Variants in ACYP2 observed in about 807,000 individuals in gnomAD.
The protein encoded by ACYP2 is acylphosphatase-2.
Under a neutral mutation model 11.2 loss-of-function variants are expected in ACYP2, and 12 were observed. The ratio of observed to expected loss-of-function variants is 1.08; its 90% CI spans 0.69 to 1.74. ACYP2 has a LOEUF of 1.74. Among genes scored for constraint, ACYP2 ranks in the 40% most tolerant of loss-of-function variants. ACYP2 has a pLI of 0.00. For synonymous variants in ACYP2, 43 were observed against 32.2 expected (o/e 1.33, Z -1.13); for missense variants, 134 against 101.9 (o/e 1.31, Z -1.35).
chr2:53,989,299 T>C (rs1448594230), intron 2 of ACYP2, among the ~76,000 whole-genome samples: 2 of 149,444 alleles, frequency 1.3e-5, no homozygotes, highest in Non-Finnish European at 1.5e-5. Flanking sequence ...TTTTTTTTTT[T>C]TCACAGACAA....
intron 2 of ACYP2, among the ~76,000 whole-genome samples, chr2:54,017,279 T>G (rs1464800486): frequency 6.8e-6 from 1 of 147,038 alleles, no homozygotes; most frequent in East Asian, 1.9e-4. Flanking sequence ...TTTCTTTTTT[T>G]TTTTTTTTTG....
intron 6 of ACYP2, among the ~76,000 whole-genome samples, chr2:54,156,713 T>C (rs939835788): frequency 4.6e-5 from 7 of 152,238 alleles, no homozygotes; most frequent in Admixed American, 2.0e-4. Context: ...TCATCCAGGC[T>C]GTAGTGCAGG....
At chr2:54,178,369 C>T (rs1014643178) in intron 6 of ACYP2, among the ~76,000 whole-genome samples, 1 of 151,920 alleles carries the variant, frequency 6.6e-6, no homozygotes, top group Non-Finnish European at 1.5e-5. Context: ...TCCAGTAGTG[C>T]TAAGAGATTT....
At chr2:54,097,357 T>C (rs1678647136) in intron 4 of ACYP2, among the ~76,000 whole-genome samples, 1 of 152,234 alleles carries the variant, frequency 6.6e-6, no homozygotes, top group South Asian at 2.1e-4. Flanking sequence ...TTCCCTAAAG[T>C]GTCTACACAG....
At chr2:54,066,872 A>G (rs1457068752) in intron 4 of ACYP2, among the ~76,000 whole-genome samples, 2 of 152,212 alleles carry the variant, frequency 1.3e-5, no homozygotes, top group Non-Finnish European at 2.9e-5. Flanking sequence ...TAGGATGAGA[A>G]AAAGGATCAG....
chr2:54,103,286 T>C (rs1678997865), intron 4 of ACYP2, among the ~76,000 whole-genome samples: 2 of 152,234 alleles, frequency 1.3e-5, no homozygotes, highest in African/African-American at 2.4e-5. Flanking sequence ...CACATCATTG[T>C]TTTATTTCAC....
At chr2:54,018,770 C>A (rs1239697448) in intron 2 of ACYP2, among the ~76,000 whole-genome samples, 1 of 152,092 alleles carries the variant, frequency 6.6e-6, no homozygotes, top group Non-Finnish European at 1.5e-5. Flanking sequence ...CTTTTTTAGA[C>A]AGAGTCTTAC....
At chr2:54,026,586 A>G (rs898389996) in intron 2 of ACYP2, among the ~76,000 whole-genome samples, 1 of 152,222 alleles carries the variant, frequency 6.6e-6, no homozygotes, top group Non-Finnish European at 1.5e-5. Flanking sequence ...ATAAGTCATT[A>G]TATGAAAAAG....
At chr2:54,065,581 T>A (rs1035465403) in intron 4 of ACYP2, 20 of 398,364 alleles carry the variant, frequency 5.0e-5, no homozygotes, top group African/African-American at 3.9e-4. Flanking sequence ...TCTGCAGTGC[T>A]TGATTCAACA....
intron 6 of ACYP2, among the ~76,000 whole-genome samples, chr2:54,252,103 A>G (rs1379970063): frequency 6.6e-6 from 1 of 152,220 alleles, no homozygotes; most frequent in Non-Finnish European, 1.5e-5. Context: ...AGTAAGCACT[A>G]TTCTGACTTC....
At chr2:54,254,885 C>A in intron 6 of ACYP2, 1 of 1,580,926 alleles carries the variant, frequency 6.3e-7, no homozygotes, top group Non-Finnish European at 8.6e-7. Context: ...TGGTGGCAGG[C>A]AACCTTCTGC....
intron 6 of ACYP2, among the ~76,000 whole-genome samples, chr2:54,270,426 T>C (rs1558658540): frequency 6.6e-6 from 1 of 152,186 alleles, no homozygotes. Flanking sequence ...TTGTGTTTTT[T>C]AGCCAGTTAT....
Position 54,154,870 on chromosome 2 carries a change from GA to G in ACYP2, c.404+16124del, listed in dbSNP as rs1461333761. 3.1e-4 allele frequency among the ~76,000 whole-genome samples: 47 copies of G among 152,292 alleles called. 1 individual carries two copies. The highest frequency in any genetic ancestry group is 1.0e-3 in the African/African-American group (43 of 41,566). On this transcript the variant is annotated intron_variant, in intron 6 of 6. Transcript: ENST00000607452. ...TTGATATTAGTTTAAATGTTTGGCAGAATTCATCAGTAACACTTCCAGTCTT... is the reference window on the plus strand; with the variant it reads ...TTGATATTAGTTTAAATGTTTGGCAGATTCATCAGTAACACTTCCAGTCTT...
At chr2:54,018,829 C>T (rs997255944) in intron 2 of ACYP2, among the ~76,000 whole-genome samples, 2 of 152,040 alleles carry the variant, frequency 1.3e-5, no homozygotes, top group African/African-American at 4.8e-5. Context: ...CTCACTACAA[C>T]GTCCGCCTCC....
chr2:54,273,750 C>T (rs1045345152), intron 6 of ACYP2, among the ~76,000 whole-genome samples: 5 of 152,138 alleles, frequency 3.3e-5, no homozygotes, highest in African/African-American at 4.8e-5. Context: ...AGGCATGAGC[C>T]CTCGCACCTG....
At position 54,271,004 on chromosome 2, in the gene ACYP2, G is replaced by T. The variant is rs538391077; in HGVS notation, c.405-33684G>T. On this transcript the variant is annotated intron_variant, in intron 6 of 6. Transcript: ENST00000607452. Reference sequence around the variant, plus strand: ...TATCATTTTCTTTATAAATGTCATGGTTTGAAACCACGTTTGCAGAGATGA... The same window carrying T: ...TATCATTTTCTTTATAAATGTCATGTTTTGAAACCACGTTTGCAGAGATGA... Among the ~76,000 whole-genome samples, 43 of 152,100 alleles carry T rather than the reference G, an allele frequency of 2.8e-4. 1 individual carries two copies. The highest frequency in any genetic ancestry group is 5.6e-4 in the Non-Finnish European group (38 of 68,032).
intron 6 of ACYP2, among the ~76,000 whole-genome samples, chr2:54,275,449 TA>T (rs1356043777): frequency 6.6e-6 from 1 of 152,242 alleles, no homozygotes; most frequent in Admixed American, 6.5e-5. Context: ...CAACAGTCTT[TA>T]ATTTTGAAAG....
chr2:53,975,329 A>T (rs1671417918), intron 2 of ACYP2: 1 of 398,572 alleles, frequency 2.5e-6, no homozygotes, highest in South Asian at 1.3e-4. Context: ...AGCAAGCAAA[A>T]TAAGGTCTCT....
chr2:54,224,354 A>G (rs898022302), intron 6 of ACYP2, among the ~76,000 whole-genome samples: 2 of 152,196 alleles, frequency 1.3e-5, no homozygotes, highest in African/African-American at 4.8e-5. Flanking sequence ...TAGAGCTATG[A>G]AACAGTTTTC....
Sources: allele counts gnomAD v4.1 joint callset (sites outside exome capture counted in the v4.1 genomes callset), GRCh38; gene constraint gnomAD v4.1.1; transcripts MANE v1.5; gene names NCBI Gene and HGNC (gene_info 2026-07-23, HGNC 2026-07-21).